Variants in ATXN7 observed in about 807,000 individuals in gnomAD.
ATXN7 encodes ataxin-7.
ATXN7 carries 12 observed loss-of-function variants against 70.5 expected under a neutral mutation model. The ratio of observed to expected loss-of-function variants is 0.17; its 90% CI spans 0.11 to 0.28. ATXN7 has a LOEUF of 0.28. ATXN7 is among the 10% of genes least tolerant of loss of function. The pLI is 1.00. For missense variants in ATXN7, 1,256 were observed against 1,131.7 expected, an observed-to-expected ratio of 1.11 and a Z score of -1.58; for synonymous variants, 498 against 448.7, an observed-to-expected ratio of 1.11 and a Z score of -1.39.
rs532560737 is a variant in ATXN7 at position 63,894,408 on chromosome 3, CAGTG to C, written c.-110-3987_-110-3984del. Among the ~76,000 whole-genome samples the C allele has an allele frequency of 2.5e-4, 38 of 152,330 alleles. No individual in the cohort carries two copies. In the South Asian group the frequency reaches 6.6e-3, roughly 27 times the overall value. ...TTAGGCCTGTGGACTTTTCCATTTG[CAGTG>C]AGTATCAAGATGGAGAGAAAAATGC... On this transcript the variant is annotated intron_variant, in intron 1 of 12. Coordinates refer to ENST00000674280, the MANE Select transcript of ATXN7 (RefSeq NM_001377405.1).
intron 5 of ATXN7, among the ~76,000 whole-genome samples, chr3:63,965,319 T>G (rs970280230): frequency 1.3e-5 from 2 of 152,170 alleles, no homozygotes; most frequent in Non-Finnish European, 2.9e-5. Flanking sequence ...TTAGCTCTCC[T>G]GAGTCTCTTG....
chr3:63,887,530 A>G (rs770105808), intron 1 of ATXN7, among the ~76,000 whole-genome samples: 17 of 152,148 alleles, frequency 1.1e-4, no homozygotes, highest in Non-Finnish European at 1.9e-4. Flanking sequence ...ATATTTTTTC[A>G]TTTTTAAATT....
Position 63,982,954 on chromosome 3 carries a change from C to T in ATXN7, c.1028C>T (p.Pro343Leu). 1 of 1,613,914 alleles carries T rather than the reference C, an allele frequency of 6.2e-7. No individual in the cohort carries two copies. The highest frequency in any genetic ancestry group is 8.5e-7 in the Non-Finnish European group (1 of 1,179,914). The change falls in exon 8 of 13, where the codon CCT becomes CTT. Residue 343 changes from proline to leucine, a missense_variant. Pro to Leu is a moderately conservative substitution (Grantham distance 98, BLOSUM62 -3). Coordinates refer to ENST00000674280, the MANE Select transcript of ATXN7 (RefSeq NM_001377405.1). ...NKRLSEREFD[P>L]DIHCGVIDLD... Reference sequence around the variant, plus strand: ...CTTTTGACAGAAAGAGAGTTTGATCCTGACATCCACTGTGGGGTTATTGAT... The same window carrying T: ...CTTTTGACAGAAAGAGAGTTTGATCTTGACATCCACTGTGGGGTTATTGAT...
chr3:63,972,703 T>C (rs17069580), intron 5 of ATXN7, among the ~76,000 whole-genome samples: 3,328 of 152,326 alleles, frequency 0.022, 117 homozygotes, highest in African/African-American at 0.072. Flanking sequence ...GGTGTGAATT[T>C]GCTGATTTTT....
chr3:63,887,381 T>C (rs1244889654), intron 1 of ATXN7, among the ~76,000 whole-genome samples: 1 of 152,234 alleles, frequency 6.6e-6, no homozygotes, highest in African/African-American at 2.4e-5. Flanking sequence ...GAGAGATGTT[T>C]GAAGTGTAGA....
intron 1 of ATXN7, among the ~76,000 whole-genome samples, chr3:63,892,771 A>C (rs1009704281): frequency 7.9e-5 from 12 of 152,184 alleles, no homozygotes; most frequent in Non-Finnish European, 1.0e-4. Context: ...TTCATCAGGC[A>C]TTTATTAACA....
intron 1 of ATXN7, among the ~76,000 whole-genome samples, chr3:63,875,496 T>G (rs1013020129): frequency 3.9e-5 from 6 of 152,330 alleles, no homozygotes; most frequent in Admixed American, 6.5e-5. Flanking sequence ...CTGCTGCTGT[T>G]TATTCTTGCC....
chr3:63,898,221 TAAA>T (rs11292430), intron 1 of ATXN7, among the ~76,000 whole-genome samples, 175 bp from the exon 2 acceptor site: 1 of 148,466 alleles, frequency 6.7e-6, no homozygotes, highest in African/African-American at 2.5e-5. Flanking sequence ...AAGTTCATTG[TAAA>T]AAAAAAAAAA....
intron 1 of ATXN7, among the ~76,000 whole-genome samples, chr3:63,881,484 A>ATTT (rs909777356): frequency 3.7e-4 from 45 of 120,786 alleles, no homozygotes; most frequent in African/African-American, 4.6e-4. Flanking sequence ...TGGTTGGAGC[A>ATTT]TTTTTTTTTT....
At chr3:63,920,645 G>A (rs1188257797) in intron 4 of ATXN7, among the ~76,000 whole-genome samples, 1 of 151,784 alleles carries the variant, frequency 6.6e-6, no homozygotes, top group Non-Finnish European at 1.5e-5. Flanking sequence ...AACAGTCGGT[G>A]TGTTGTATTT....
In ATXN7 at chr3:63,995,916, T is replaced by G. The variant is rs969431653; in HGVS notation, c.2094T>G (p.Ser698Arg). ...CTAACTGTCAAAATGCCAGTAGCAG[T>G]ACCAGTGGCGGCTCAGGAAAGAAAC... ...NSTNCQNASS[S>R]TSGGSGKKRK... The change falls in exon 12 of 13, where the codon AGT (serine) becomes AGG (arginine). Residue 698 changes from serine (S) to arginine (R), a missense_variant. By Grantham distance (110) the Ser-to-Arg change is moderately radical. Transcript: ENST00000674280. The G allele has an allele frequency of 6.2e-7, 1 of 1,614,084 alleles. No individual in the cohort carries two copies. The highest frequency in any genetic ancestry group is 1.3e-5 in the African/African-American group (1 of 74,926).
At chr3:63,951,826 C>T (rs2074958483) in intron 4 of ATXN7, among the ~76,000 whole-genome samples, 1 of 152,184 alleles carries the variant, frequency 6.6e-6, no homozygotes, top group Non-Finnish European at 1.5e-5. Flanking sequence ...AAAGTTCATT[C>T]TGCCTTTCTG....
intron 4 of ATXN7, among the ~76,000 whole-genome samples, chr3:63,949,821 AC>A (rs2074925680): frequency 6.6e-6 from 1 of 152,072 alleles, no homozygotes; most frequent in African/African-American, 2.4e-5. Context: ...GAAATTAAGA[AC>A]CGAGTTTTCC....
At chr3:63,876,072 AAAC>A (rs1306457335) in intron 1 of ATXN7, among the ~76,000 whole-genome samples, 3 of 152,172 alleles carry the variant, frequency 2.0e-5, no homozygotes, top group Admixed American at 1.3e-4. Flanking sequence ...ACTAGTCAAA[AAAC>A]TATTTTTTCC....
In ATXN7 at chr3:63,863,942, C is replaced by T; in HGVS notation, c.-327C>T. On this transcript the variant is annotated 5_prime_UTR_variant, in exon 1 of 13. Coordinates refer to ENST00000674280, the MANE Select transcript of ATXN7 (RefSeq NM_001377405.1). ...GCCGCCTGCTCCGACGCCTGAGCCGCGCCGCGCCGCGCCGCCGCCGCCGCC... is the reference window on the plus strand; with the variant it reads ...GCCGCCTGCTCCGACGCCTGAGCCGTGCCGCGCCGCGCCGCCGCCGCCGCC... 7.3e-6 allele frequency: 1 copy of T among 137,220 alleles called. No homozygotes were observed. The highest frequency in any genetic ancestry group is 1.3e-5 in the Non-Finnish European group (1 of 76,798). The allele number at this position is 137,220 out of a possible 1,614,324, so 8.5% of individuals were successfully genotyped here.
At chr3:63,960,881 A>G (rs984640322) in intron 5 of ATXN7, among the ~76,000 whole-genome samples, 1 of 152,056 alleles carries the variant, frequency 6.6e-6, no homozygotes, top group African/African-American at 2.4e-5. Context: ...CAGTTTTTTA[A>G]TGTTTCTGTA....
At chr3:63,967,819 A>AT in intron 5 of ATXN7, 1 of 1,518,264 alleles carries the variant, frequency 6.6e-7, no homozygotes, top group Non-Finnish European at 8.8e-7. Context: ...ATAAGCCCAA[A>AT]CATGGAGCAT....
At chr3:63,863,822 G>GCGGCGT (rs1702310263), upstream of ATXN7, 8 of 1,230,918 alleles carry the variant, frequency 6.5e-6, no homozygotes, top group Non-Finnish European at 7.1e-6. Context: ...GGCGGCGGCG[G>GCGGCGT]CGCAAGCTGA....
At chr3:63,902,538 T>C (rs1663357058) in intron 2 of ATXN7, among the ~76,000 whole-genome samples, 1 of 152,134 alleles carries the variant, frequency 6.6e-6, no homozygotes, top group South Asian at 2.1e-4. Context: ...CATGAGAAGG[T>C]GGTTTAGCTA....
Sources: allele counts gnomAD v4.1 joint callset (sites outside exome capture counted in the v4.1 genomes callset), GRCh38; gene constraint gnomAD v4.1.1; transcripts MANE v1.5; gene names NCBI Gene and HGNC (gene_info 2026-07-23, HGNC 2026-07-21).